The following SMOX variants were observed in gnomAD, a reference collection of about 807,000 sequenced individuals.
SMOX encodes spermine oxidase.
Under a neutral mutation model 51.0 loss-of-function variants are expected in SMOX, and 22 were observed. That is an observed-to-expected ratio of 0.43 (90% CI 0.31 to 0.62). The LOEUF is 0.62. Ranked by LOEUF, SMOX falls within the 20% of genes least tolerant of loss-of-function variation. The pLI, the probability that SMOX is intolerant of heterozygous loss-of-function variation, is 0.10. For synonymous variants in SMOX, 282 were observed against 307.8 expected (o/e 0.92, Z 0.88); for missense variants, 566 against 777.7 (o/e 0.73, Z 3.24).
At position 4,167,818 on chromosome 20, in the gene SMOX, G is replaced by T. The variant is rs1449768638; in HGVS notation, c.-26-7212G>T. ...TCCTTTTACTTCCTGGCCAGCCTGAGTGAGGAGGCTGGGGAGGGTCTGGCT... is the reference window on the plus strand; with the variant it reads ...TCCTTTTACTTCCTGGCCAGCCTGATTGAGGAGGCTGGGGAGGGTCTGGCT... On this transcript the variant is annotated intron_variant, in intron 1 of 6. Transcript: ENST00000305958. This position sits in a 1 kb window ranked among gnomAD's most constrained non-coding sequence, Gnocchi z 4.8. 6.6e-6 allele frequency among the ~76,000 whole-genome samples: 1 copy of T among 152,170 alleles called. No individual in the cohort carries two copies. Among genetic ancestry groups the T allele is most frequent in the African/African-American group, 2.4e-5 (1 of 41,446 alleles).
chr20:4,176,930 G>T (rs1012991377), intron 2 of SMOX, among the ~76,000 whole-genome samples: 14 of 152,188 alleles, frequency 9.2e-5, no homozygotes, highest in Non-Finnish European at 1.6e-4. Context: ...TCTGGGAAAT[G>T]CTTTAGATCT....
At chr20:4,168,556 CTCTCTT>C (rs1179561521) in intron 1 of SMOX, among the ~76,000 whole-genome samples, 1 of 151,182 alleles carries the variant, frequency 6.6e-6, no homozygotes, top group African/African-American at 2.4e-5. Flanking sequence ...GTCTCTCTCT[CTCTCTT>C]TTTTTTTTTT....
intron 1 of SMOX, among the ~76,000 whole-genome samples, chr20:4,154,291 C>T (rs938412529): frequency 6.6e-6 from 1 of 152,206 alleles, no homozygotes; most frequent in African/African-American, 2.4e-5. Flanking sequence ...GCACATAGAT[C>T]ACCTAGGCAG....
At chr20:4,186,588 G>A (rs908574293) in intron 6 of SMOX, among the ~76,000 whole-genome samples, 1 of 152,134 alleles carries the variant, frequency 6.6e-6, no homozygotes, top group Admixed American at 6.5e-5. Context: ...AGCATCTTCC[G>A]AGAACCAGTT....
At position 4,187,180 on chromosome 20, in the gene SMOX, G is replaced by A; in HGVS notation, c.1531-90G>A. ...TCAGAGCCTCTCTAATTTGTCATTG[G>A]GATGGGAGGTTCTGGTGGAGAGGGG... On this transcript the variant is annotated intron_variant, in intron 6 of 6. Coordinates refer to ENST00000305958, the MANE Select transcript of SMOX (RefSeq NM_175839.3). This position sits in a 1 kb window ranked among gnomAD's most constrained non-coding sequence, Gnocchi z 4.8. 1.4e-6 allele frequency: 2 copies of A among 1,462,524 alleles called. No individual in the cohort carries two copies. The allele number at this position is 1,462,524 out of a possible 1,614,324, so 90.6% of individuals were successfully genotyped here. A position where few individuals can be genotyped will look rare whatever the true frequency, so the allele number is the denominator to read the frequency against.
chr20:4,164,869 C>T (rs552192595), intron 1 of SMOX, among the ~76,000 whole-genome samples: 2 of 152,136 alleles, frequency 1.3e-5, no homozygotes, highest in African/African-American at 4.8e-5. Context: ...ACGTATTCAC[C>T]AGGGCAGTGA....
intron 1 of SMOX, among the ~76,000 whole-genome samples, chr20:4,154,073 G>T (rs1985888192): frequency 6.6e-6 from 1 of 152,160 alleles, no homozygotes; most frequent in South Asian, 2.1e-4. Flanking sequence ...GAAATCTTGG[G>T]CGGCTTTGGC....
intron 1 of SMOX, among the ~76,000 whole-genome samples, chr20:4,168,583 G>A (rs1412030896): frequency 6.6e-6 from 1 of 150,468 alleles, no homozygotes; most frequent in Non-Finnish European, 1.5e-5. Context: ...TTGAGACGGA[G>A]TCTCGCTCTG....
chr20:4,152,526 G>GGACTGAGGTAA (rs1361771428), intron 1 of SMOX, among the ~76,000 whole-genome samples: 3 of 152,104 alleles, frequency 2.0e-5, no homozygotes, highest in African/African-American at 7.2e-5. Flanking sequence ...GGACAGGGGT[G>GGACTGAGGTAA]GACTGAGGTA....
intron 1 of SMOX, among the ~76,000 whole-genome samples, chr20:4,158,019 G>C (rs1242740536): frequency 1.3e-5 from 2 of 151,544 alleles, no homozygotes; most frequent in Non-Finnish European, 2.9e-5. Context: ...TCCTGCCTCA[G>C]CCTCCCGAGT....
chr20:4,150,826 T>A (rs1029510345), intron 1 of SMOX, among the ~76,000 whole-genome samples: 2 of 112,200 alleles, frequency 1.8e-5, no homozygotes, highest in Non-Finnish European at 3.8e-5. Context: ...TCTACTCACT[T>A]TTTTTTTTTT....
chr20:4,182,430 C>T lies in SMOX; in HGVS notation c.951C>T (p.Cys317=), dbSNP rs74994690. The T allele has an allele frequency of 1.1e-4, 182 of 1,601,946 alleles. No homozygotes were observed. The highest frequency in any genetic ancestry group is 1.4e-4 in the Non-Finnish European group (160 of 1,173,764). The part of the protein sequence containing the change: ...EDEQWSVVVE[C]EDCELIPADH... ...AGCAGTGGTCGGTGGTGGTGGAGTG[C>T]GAGGACTGTGAGCTGATCCCGGCGG... is the stretch of plus-strand genomic sequence containing the variant. The change falls in exon 5 of 7, where the codon TGC becomes TGT. Residue 317 remains cysteine, a synonymous_variant. Coordinates refer to ENST00000305958, the MANE Select transcript of SMOX (RefSeq NM_175839.3). The surrounding 1 kb of genome is among the most constrained non-coding windows in gnomAD (Gnocchi z 8.4).
chr20:4,151,092 A>G (rs527312152), intron 1 of SMOX, among the ~76,000 whole-genome samples: 1 of 152,208 alleles, frequency 6.6e-6, no homozygotes, highest in African/African-American at 2.4e-5. Flanking sequence ...TTGGCCTCCC[A>G]AAGTGCTGGG....
Position 4,181,512 on chromosome 20 carries a change from CCA to C in SMOX, c.436-288_436-287del, listed in dbSNP as rs1376079070. Among the ~76,000 whole-genome samples the C allele has an allele frequency of 6.6e-6, 1 of 152,202 alleles. No homozygotes were observed. The highest frequency in any genetic ancestry group is 2.4e-5 in the African/African-American group (1 of 41,448). On this transcript the variant is annotated intron_variant, in intron 3 of 6. Transcript: ENST00000305958. The surrounding 1 kb of genome is among the most constrained non-coding windows in gnomAD (Gnocchi z 5.6). ...GAGTCCATGAGGGGTGGCTTCTTTC[CCA>C]CAGACTGTATGGGCACCAAATGTTT...
At chr20:4,164,718 G>C (rs1214907755) in intron 1 of SMOX, among the ~76,000 whole-genome samples, 2 of 152,178 alleles carry the variant, frequency 1.3e-5, no homozygotes, top group Non-Finnish European at 2.9e-5. Context: ...CCTTGGTGTT[G>C]AAGCTAGTAT....
chr20:4,169,357 G>C (rs906217371), intron 1 of SMOX, among the ~76,000 whole-genome samples: 1 of 152,248 alleles, frequency 6.6e-6, no homozygotes, highest in South Asian at 2.1e-4. Flanking sequence ...GGAAGGGTGT[G>C]GGGTACGGGA....
rs763069710 is a variant in SMOX at position 4,177,495 on chromosome 20, A to G, written c.353A>G (p.Asn118Ser). ...GGCCGCATCAGCCTCTATTCCAAGA[A>G]TGGCGTGGCCTGCTACCTTACCAAC... The part of the protein sequence containing the change: ...SVGRISLYSK[N>S]GVACYLTNHG... Residue 118 changes from asparagine to serine, a missense_variant, in exon 3 of 7, where the codon AAT becomes AGT. By Grantham distance (46) the Asn-to-Ser change is conservative (BLOSUM62 1). Transcript: ENST00000305958. This position sits in a 1 kb window ranked among gnomAD's most constrained non-coding sequence, Gnocchi z 4.3. 2.5e-6 allele frequency: 4 copies of G among 1,589,784 alleles called. No homozygotes were observed. Among genetic ancestry groups the G allele is most frequent in the South Asian group, 2.3e-5 (2 of 87,454 alleles).
Position 4,187,258 on chromosome 20 carries a change from C to T in SMOX, c.1531-12C>T. ...GCTCCTCCACCCTGACCTCCCCATCCCCGCCCCGCAGCCCATGCAGGTGCT... is the reference window on the plus strand; with the variant it reads ...GCTCCTCCACCCTGACCTCCCCATCTCCGCCCCGCAGCCCATGCAGGTGCT... On this transcript the variant is annotated splice_polypyrimidine_tract_variant and intron_variant, in intron 6 of 6. Coordinates refer to ENST00000305958, the MANE Select transcript of SMOX (RefSeq NM_175839.3). This position sits in a 1 kb window ranked among gnomAD's most constrained non-coding sequence, Gnocchi z 4.8. 6.2e-7 allele frequency: 1 copy of T among 1,609,194 alleles called. No individual in the cohort carries two copies. Among genetic ancestry groups the T allele is most frequent in the Non-Finnish European group, 8.5e-7 (1 of 1,177,090 alleles).
intron 1 of SMOX, among the ~76,000 whole-genome samples, chr20:4,158,880 T>A (rs982466069): frequency 4.6e-5 from 7 of 152,030 alleles, no homozygotes; most frequent in African/African-American, 1.7e-4. Flanking sequence ...CAGGCTGAGT[T>A]GGCTAGATTT....
Sources: allele counts gnomAD v4.1 joint callset (sites outside exome capture counted in the v4.1 genomes callset), GRCh38; gene constraint gnomAD v4.1.1; non-coding constraint Gnocchi (gnomAD v3.1); transcripts MANE v1.5; gene names NCBI Gene and HGNC (gene_info 2026-07-23, HGNC 2026-07-21).